Variants in CYCS observed in about 807,000 individuals in gnomAD.
The protein encoded by CYCS is cytochrome c.
For synonymous variants in CYCS, 41 were observed against 43.0 expected (o/e 0.95, Z 0.18); for missense variants, 87 against 125.3 (o/e 0.69, Z 1.46).
Position 25,118,666 on chromosome 7 carries a change from G to A in CYCS, c.*5035C>T, listed in dbSNP as rs560055826. ...AGGCATCTGGTCAGATTGGGTCCAC[G>A]GGCTGTTTATTGATACACACTAAAC... On this transcript the variant is annotated 3_prime_UTR_variant, in exon 3 of 3. Coordinates refer to ENST00000305786, the MANE Select transcript of CYCS (RefSeq NM_018947.6). 8.1e-4 allele frequency among the ~76,000 whole-genome samples: 123 copies of A among 152,176 alleles called. No individual in the cohort carries two copies. In the South Asian group the frequency reaches 0.011, roughly 14 times the overall value.
intron 1 of CYCS, among the ~76,000 whole-genome samples, chr7:25,124,491 A>C (rs1483876948): frequency 2.0e-5 from 3 of 152,210 alleles, no homozygotes; most frequent in African/African-American, 7.2e-5. Context: ...CGCAACTTTT[A>C]AAAAGACCTA....
chr7:25,123,765 C>A lies in CYCS; in HGVS notation c.254G>T (p.Gly85Val), dbSNP rs1340973454. ...TGCCCTTTCTTCCTTCTTCTTAATG[C>A]CGACAAAGATCATTTTTGTTCCAGG... ...YIPGTKMIFVGIKKKEERADL... is the reference protein window; with the variant it reads ...YIPGTKMIFVVIKKKEERADL... The change falls in exon 3 of 3, where the codon GGC (glycine) becomes GTC (valine). Residue 85 changes from glycine to valine, a missense_variant. Physicochemically the swap from Gly to Val is moderately radical, Grantham distance 109 (BLOSUM62 -3). Coordinates refer to ENST00000305786, the MANE Select transcript of CYCS (RefSeq NM_018947.6). The A allele has an allele frequency of 6.2e-7, 1 of 1,610,810 alleles. No homozygotes were observed. Among genetic ancestry groups the A allele is most frequent in the Non-Finnish European group, 8.5e-7 (1 of 1,179,982 alleles).
At position 25,119,380 on chromosome 7, in the gene CYCS, G is replaced by C. The variant is rs925437882; in HGVS notation, c.*4321C>G. ...CAACCCCCATCTCCCAGGTTCAAGC[G>C]ATTCTCCTGCCTCAGCCTCTCAAAT... On this transcript the variant is annotated 3_prime_UTR_variant, in exon 3 of 3. Transcript: ENST00000305786. Among the ~76,000 whole-genome samples the C allele has an allele frequency of 1.3e-5, 2 of 150,982 alleles. No homozygotes were observed. Among genetic ancestry groups the C allele is most frequent in the African/African-American group, 4.9e-5 (2 of 40,918 alleles).
intron 2 of CYCS, 41 bp downstream of exon 2, chr7:25,123,910 T>C: frequency 6.2e-7 from 1 of 1,614,120 alleles, no homozygotes; most frequent in South Asian, 1.1e-5. Flanking sequence ...CATGTTATAT[T>C]CCTGCATTTT....
Position 25,120,564 on chromosome 7 carries a change from G to A in CYCS, c.*3137C>T, listed in dbSNP as rs560307382. ...AGGGCTTAACAGCCACATGTGGTTA[G>A]TGGCTACCACACTGGACAGCAAAAG... On this transcript the variant is annotated 3_prime_UTR_variant, in exon 3 of 3. Transcript: ENST00000305786. 2 of 152,230 alleles carry A rather than the reference G, an allele frequency of 1.3e-5. No individual in the cohort carries two copies. The highest frequency in any genetic ancestry group is 2.9e-5 in the Non-Finnish European group (2 of 68,046). 9.4% of individuals were successfully genotyped at this position (152,230 alleles called of 1,614,324 possible).
rs1031321310 is a variant in CYCS, at chr7:25,120,143, T to C, written c.*3558A>G. 1.3e-5 allele frequency: 2 copies of C among 152,034 alleles called. No homozygotes were observed. The highest frequency in any genetic ancestry group is 2.9e-5 in the Non-Finnish European group (2 of 68,022). The allele number at this position is 152,034 out of a possible 1,614,324, so 9.4% of individuals were successfully genotyped here. A position where few individuals can be genotyped will look rare whatever the true frequency, so the allele number is the denominator to read the frequency against. ...ACTCGTCACCCAGGCTTGAGTGCAG[T>C]GGCACAATCTTGGCTCACTGCAACC... is the stretch of plus-strand genomic sequence containing the variant. On this transcript the variant is annotated 3_prime_UTR_variant, in exon 3 of 3. Coordinates refer to ENST00000305786, the MANE Select transcript of CYCS (RefSeq NM_018947.6).
At position 25,123,958 on chromosome 7, in the gene CYCS, C is replaced by A; in HGVS notation, c.162G>T (p.Lys54Asn). The change falls in exon 2 of 3, where the codon AAG (lysine) becomes AAT (asparagine). Residue 54 changes from lysine to asparagine, a missense_variant. Physicochemically the swap from Lys to Asn is moderately conservative, Grantham distance 94. Transcript: ENST00000305786. ...TTAACAAGTGACTCTTACCTTTGTT[C>A]TTATTGGCGGCTGTGTAAGAGTATC... ...APGYSYTAAN[K>N]NKGIIWGEDT... The A allele has an allele frequency of 6.2e-7, 1 of 1,614,122 alleles. No homozygotes were observed. The highest frequency in any genetic ancestry group is 8.5e-7 in the Non-Finnish European group (1 of 1,180,020).
At position 25,123,967 on chromosome 7, in the gene CYCS, G is replaced by A. The variant is rs746031832; in HGVS notation, c.153C>T (p.Ala51=). 27 of 1,613,858 alleles carry A rather than the reference G, an allele frequency of 1.7e-5. No individual in the cohort carries two copies. Among genetic ancestry groups the A allele is most frequent in the Non-Finnish European group, 2.0e-5 (24 of 1,180,020 alleles). Residue 51 remains alanine, a synonymous_variant, in exon 2 of 3, where the codon GCC becomes GCT. Transcript: ENST00000305786. Reference sequence around the variant, plus strand: ...GACTCTTACCTTTGTTCTTATTGGCGGCTGTGTAAGAGTATCCAGGGGCCT... The same window carrying A: ...GACTCTTACCTTTGTTCTTATTGGCAGCTGTGTAAGAGTATCCAGGGGCCT... ...TGQAPGYSYT[A]ANKNKGIIWG... is the part of the protein sequence containing the mutation.
At chr7:25,124,215 A>G (rs1310712956) in intron 1 of CYCS, 88 bp from the exon 2 acceptor site, 6 of 945,904 alleles carry the variant, frequency 6.3e-6, no homozygotes, top group Non-Finnish European at 8.4e-6. Flanking sequence ...CTTAATTACC[A>G]ATCCATTGCT....
At position 25,121,160 on chromosome 7, in the gene CYCS, T is replaced by C. The variant is rs964429282; in HGVS notation, c.*2541A>G. The C allele has an allele frequency of 1.3e-5, 2 of 152,204 alleles. No individual in the cohort carries two copies. The highest frequency in any genetic ancestry group is 2.9e-5 in the Non-Finnish European group (2 of 68,070). 9.4% of individuals were successfully genotyped at this position (152,204 alleles called of 1,614,324 possible). A position where few individuals can be genotyped will look rare whatever the true frequency, so the allele number is the denominator to read the frequency against. On this transcript the variant is annotated 3_prime_UTR_variant, in exon 3 of 3. Coordinates refer to ENST00000305786, the MANE Select transcript of CYCS (RefSeq NM_018947.6). ...ATAAAAAAGTTACAGAATCACATTT[T>C]AAACCACCAGAAGTGCTTGGGTATA...
rs1783345332 is a variant in CYCS at position 25,120,623 on chromosome 7, T to C, written c.*3078A>G. The C allele has an allele frequency of 6.6e-6, 1 of 152,252 alleles. No individual in the cohort carries two copies. Among genetic ancestry groups the C allele is most frequent in the Non-Finnish European group, 1.5e-5 (1 of 68,038 alleles). The allele number at this position is 152,252 out of a possible 1,614,324, so 9.4% of individuals were successfully genotyped here. ...ATATCCATCGTCACAGAAAGTTCTATTAGACAGCACTGTTCTAGACAAAAT... is the reference window on the plus strand; with the variant it reads ...ATATCCATCGTCACAGAAAGTTCTACTAGACAGCACTGTTCTAGACAAAAT... On this transcript the variant is annotated 3_prime_UTR_variant, in exon 3 of 3. Transcript: ENST00000305786.
In CYCS at chr7:25,118,745, G is replaced by C. The variant is rs1783313055; in HGVS notation, c.*4956C>G. Among the ~76,000 whole-genome samples, 5 of 151,964 alleles carry C rather than the reference G, an allele frequency of 3.3e-5. No homozygotes were observed. The highest frequency in any genetic ancestry group is 6.6e-5 in the Admixed American group (1 of 15,258). On this transcript the variant is annotated 3_prime_UTR_variant, in exon 3 of 3. Coordinates refer to ENST00000305786, the MANE Select transcript of CYCS (RefSeq NM_018947.6). ...ATTTTCTGCATTACACTAGCCCAGTGGTCCTTTCTGAAACTACACTGTTCA... is the reference window on the plus strand; with the variant it reads ...ATTTTCTGCATTACACTAGCCCAGTCGTCCTTTCTGAAACTACACTGTTCA...
intron 1 of CYCS, chr7:25,124,867 A>C (rs1356179170): frequency 6.6e-6 from 1 of 152,554 alleles, no homozygotes; most frequent in Non-Finnish European, 1.5e-5. Context: ...GTGAAGCTCT[A>C]AGCTTCGGCT....
rs557385407 is a variant in CYCS at position 25,120,606 on chromosome 7, C to T, written c.*3095G>A. On this transcript the variant is annotated 3_prime_UTR_variant, in exon 3 of 3. Transcript: ENST00000305786. ...CAGCAAAAGTCTACAAAATATCCAT[C>T]GTCACAGAAAGTTCTATTAGACAGC... The T allele has an allele frequency of 3.9e-5, 6 of 152,224 alleles. No individual in the cohort carries two copies. Among genetic ancestry groups the T allele is most frequent in the African/African-American group, 9.6e-5 (4 of 41,456 alleles). The allele number at this position is 152,224 out of a possible 1,614,324, so 9.4% of individuals were successfully genotyped here. A position where few individuals can be genotyped will look rare whatever the true frequency, so the allele number is the denominator to read the frequency against.
At chr7:25,123,916 A>C (rs755848604) in intron 2 of CYCS, 35 bp downstream of exon 2, 46 of 1,613,974 alleles carry the variant, frequency 2.9e-5, no homozygotes, top group Non-Finnish European at 1.4e-5. Flanking sequence ...ATATTCCTGC[A>C]TTTTGTGTTG....
In CYCS at chr7:25,120,936, C is replaced by T. The variant is rs1037591350; in HGVS notation, c.*2765G>A. ...CGTCGGGAGTTCAAGACCAGCCTGTCCAGCATGGAGAAACCCTGTCTCTAC... is the reference window on the plus strand; with the variant it reads ...CGTCGGGAGTTCAAGACCAGCCTGTTCAGCATGGAGAAACCCTGTCTCTAC... On this transcript the variant is annotated 3_prime_UTR_variant, in exon 3 of 3. Transcript: ENST00000305786. 6.6e-6 allele frequency: 1 copy of T among 151,506 alleles called. No homozygotes were observed. The highest frequency in any genetic ancestry group is 2.4e-5 in the African/African-American group (1 of 41,228). 9.4% of individuals were successfully genotyped at this position (151,506 alleles called of 1,614,324 possible). A position where few individuals can be genotyped will look rare whatever the true frequency, so the allele number is the denominator to read the frequency against.
In CYCS at chr7:25,120,677, T is replaced by A. The variant is rs886062238; in HGVS notation, c.*3024A>T. On this transcript the variant is annotated 3_prime_UTR_variant, in exon 3 of 3. Transcript: ENST00000305786. Reference sequence around the variant, plus strand: ...CATGTAGGTGGCATCTGAATACCCCTTAAATACATCTGGCCCTTGTTTTTG... The same window carrying A: ...CATGTAGGTGGCATCTGAATACCCCATAAATACATCTGGCCCTTGTTTTTG... 4 of 152,228 alleles carry A rather than the reference T, an allele frequency of 2.6e-5. No individual in the cohort carries two copies. The East Asian group carries it at 7.7e-4, about 29-fold the overall frequency. The allele number at this position is 152,228 out of a possible 1,614,324, so 9.4% of individuals were successfully genotyped here. A position where few individuals can be genotyped will look rare whatever the true frequency, so the allele number is the denominator to read the frequency against.
rs969612193 is a variant in CYCS at position 25,119,367 on chromosome 7, C to G, written c.*4334G>C. On this transcript the variant is annotated 3_prime_UTR_variant, in exon 3 of 3. Transcript: ENST00000305786. ...TCTTGGCTCACTGCAACCCCCATCTCCCAGGTTCAAGCGATTCTCCTGCCT... is the reference window on the plus strand; with the variant it reads ...TCTTGGCTCACTGCAACCCCCATCTGCCAGGTTCAAGCGATTCTCCTGCCT... 6.7e-6 allele frequency among the ~76,000 whole-genome samples: 1 copy of G among 150,196 alleles called. No homozygotes were observed.
rs1322988816 is a variant in CYCS, at chr7:25,123,276, A to G, written c.*425T>C. 4.8e-6 allele frequency: 1 copy of G among 206,274 alleles called. No individual in the cohort carries two copies. Among genetic ancestry groups the G allele is most frequent in the Admixed American group, 5.3e-5 (1 of 18,872 alleles). The allele number at this position is 206,274 out of a possible 1,614,324, so 12.8% of individuals were successfully genotyped here. On this transcript the variant is annotated 3_prime_UTR_variant, in exon 3 of 3. Transcript: ENST00000305786. ...CCTTGCCTTTAAGAGGCAAATGAAC[A>G]TGAACACAAAACACAGGTGAATCTT... is the stretch of plus-strand genomic sequence containing the variant.
Sources: gnomAD v4.1 joint callset for allele counts (sites outside exome capture counted in the v4.1 genomes callset) on GRCh38, gnomAD v4.1.1 for gene constraint, MANE v1.5 for transcripts, NCBI Gene and HGNC (gene_info 2026-07-23, HGNC 2026-07-21) for gene names.